The following DNAH9 variants were observed in gnomAD, a reference collection of about 807,000 sequenced individuals.
The protein encoded by DNAH9 is dynein axonemal heavy chain 9, also known as DNAH9 variant protein.
In DNAH9, 345 loss-of-function variants were observed where a neutral mutation model predicts 471.6. That is an observed-to-expected ratio of 0.73 (90% CI 0.67 to 0.80). The LOEUF (loss-of-function observed/expected upper bound fraction) is 0.80, where lower values mean the gene tolerates loss of function less well. DNAH9 is among the 30% of genes least tolerant of loss of function. DNAH9 has a pLI of 0.00. For missense variants in DNAH9, 5,407 were observed against 5,609.2 expected (o/e 0.96, Z 1.15); for synonymous variants, 2,093 against 2,123.6 (o/e 0.99, Z 0.40).
At chr17:11,905,293 G>GTAGA (rs1294879626) in intron 60 of DNAH9, among the ~76,000 whole-genome samples, 2 of 152,080 alleles carry the variant, frequency 1.3e-5, no homozygotes, top group Non-Finnish European at 2.9e-5. Context: ...GGCAAGGCTG[G>GTAGA]TAGATAGCAG....
chr17:11,735,154 G>A (rs568763666), intron 28 of DNAH9, among the ~76,000 whole-genome samples: 184 of 152,278 alleles, frequency 1.2e-3, no homozygotes, highest in African/African-American at 4.1e-3. Context: ...CTGGTAAAAT[G>A]TTAGGTCTAG....
intron 7 of DNAH9, among the ~76,000 whole-genome samples, chr17:11,631,429 A>G (rs1239895370): frequency 6.6e-6 from 1 of 152,134 alleles, no homozygotes; most frequent in Non-Finnish European, 1.5e-5. Context: ...GTAGACCCAA[A>G]AAAGGTGGAC....
At chr17:11,628,725 A>C (rs1165682618) in intron 6 of DNAH9, among the ~76,000 whole-genome samples, 1 of 152,220 alleles carries the variant, frequency 6.6e-6, no homozygotes, top group East Asian at 1.9e-4. Flanking sequence ...ACTGGATAAC[A>C]TGATCCATTT....
chr17:11,628,836 A>G (rs1295439341), intron 6 of DNAH9, among the ~76,000 whole-genome samples: 2 of 152,226 alleles, frequency 1.3e-5, no homozygotes, highest in Non-Finnish European at 2.9e-5. Context: ...ACAAAGACAT[A>G]GAGAGGTGGA....
chr17:11,708,877 C>T (rs2074780006), intron 26 of DNAH9, among the ~76,000 whole-genome samples: 1 of 152,112 alleles, frequency 6.6e-6, no homozygotes, highest in African/African-American at 2.4e-5. Context: ...TTCTCTACTC[C>T]CAGGACCTAG....
chr17:11,872,649 G>T (rs1466634675), intron 52 of DNAH9, among the ~76,000 whole-genome samples: 1 of 152,142 alleles, frequency 6.6e-6, no homozygotes, highest in Non-Finnish European at 1.5e-5. Flanking sequence ...GGCCGGGCGC[G>T]GTGGCTCACG....
chr17:11,902,452 C>G (rs535686100), intron 59 of DNAH9, among the ~76,000 whole-genome samples: 1 of 152,294 alleles, frequency 6.6e-6, no homozygotes, highest in Non-Finnish European at 1.5e-5. Flanking sequence ...TACACACCTA[C>G]AGGCAGGTGT....
intron 23 of DNAH9, 82 bp from the exon 24 acceptor site, chr17:11,701,040 C>T (rs753684818): frequency 1.1e-5 from 16 of 1,504,062 alleles, no homozygotes; most frequent in Non-Finnish European, 1.5e-5. Context: ...TCCTTCACTC[C>T]CTCAGACTGA....
At chr17:11,920,903 G>A (rs1282870656) in intron 61 of DNAH9, among the ~76,000 whole-genome samples, 3 of 152,198 alleles carry the variant, frequency 2.0e-5, no homozygotes, top group Non-Finnish European at 4.4e-5. Context: ...CACTTTGGGA[G>A]GCCGAGGTGG....
chr17:11,833,887 C>A (rs1970750856), intron 48 of DNAH9, among the ~76,000 whole-genome samples: 1 of 152,192 alleles, frequency 6.6e-6, no homozygotes, highest in Non-Finnish European at 1.5e-5. Flanking sequence ...ATCTTTGGCA[C>A]ACTCCACACT....
chr17:11,702,962 G>A (rs950260027), intron 24 of DNAH9, among the ~76,000 whole-genome samples: 9 of 151,966 alleles, frequency 5.9e-5, no homozygotes, highest in African/African-American at 2.2e-4. Context: ...GCGTGGTGGT[G>A]GGCACCTGTA....
At chr17:11,677,165 C>T (rs1366044834) in intron 17 of DNAH9, among the ~76,000 whole-genome samples, 1 of 151,978 alleles carries the variant, frequency 6.6e-6, no homozygotes, top group Non-Finnish European at 1.5e-5. Context: ...GTTAATTATT[C>T]TATTCAAATC....
In DNAH9 at chr17:11,905,698, G is replaced by A; in HGVS notation, c.11638G>A (p.Val3880Met). Residue 3880 changes from valine (V) to methionine (M), a missense_variant, in exon 61 of 69, where the codon GTG (valine) becomes ATG (methionine). By Grantham distance (21) the Val-to-Met change is conservative. Coordinates refer to ENST00000262442, the MANE Select transcript of DNAH9 (RefSeq NM_001372.4). Reference sequence around the variant, plus strand: ...AGAGAAGTTAGGAAGCAAATACGTGGTGGGAAGAGCCCTAGATTTTGCAAC... The same window carrying A: ...AGAGAAGTTAGGAAGCAAATACGTGATGGGAAGAGCCCTAGATTTTGCAAC... ...VEEKLGSKYV[V>M]GRALDFATSF... 1.2e-6 allele frequency: 2 copies of A among 1,614,092 alleles called. No individual in the cohort carries two copies. The highest frequency in any genetic ancestry group is 1.7e-6 in the Non-Finnish European group (2 of 1,180,024).
At chr17:11,845,886 T>C (rs1158684825) in intron 49 of DNAH9, among the ~76,000 whole-genome samples, 1 of 146,700 alleles carries the variant, frequency 6.8e-6, no homozygotes, top group Non-Finnish European at 1.5e-5. Flanking sequence ...GAGTTCATTG[T>C]AGATTCTGGA....
At chr17:11,745,182 T>TGTACAAATATGTATCTAGGTA in intron 31 of DNAH9, 98 bp downstream of exon 31, 2 of 968,228 alleles carry the variant, frequency 2.1e-6, no homozygotes, top group Non-Finnish European at 3.1e-6. Context: ...TTGTTTTAGA[T>TGTACAAATATGTATCTAGGTA]GTACAAATAT....
chr17:11,647,456 A>G (rs936035756), intron 12 of DNAH9, among the ~76,000 whole-genome samples: 3 of 152,040 alleles, frequency 2.0e-5, no homozygotes, highest in Non-Finnish European at 4.4e-5. Flanking sequence ...TGTACCCTGG[A>G]TTTCTTTTTT....
At chr17:11,809,246 A>G (rs1481599890) in intron 44 of DNAH9, among the ~76,000 whole-genome samples, 1 of 152,038 alleles carries the variant, frequency 6.6e-6, no homozygotes, top group East Asian at 1.9e-4. Flanking sequence ...TTTTTTCAAC[A>G]TAAGTGTTTT....
Position 11,738,975 on chromosome 17 carries a change from C to G in DNAH9, c.5910C>G (p.Ile1970Met). 6.2e-7 allele frequency: 1 copy of G among 1,614,112 alleles called. No homozygotes were observed. Among genetic ancestry groups the G allele is most frequent in the Non-Finnish European group, 8.5e-7 (1 of 1,179,956 alleles). Reference sequence around the variant, plus strand: ...TGAATCCTTCTGTCGGTATCTTCATCACCATGAACCCAGGCTATGCTGGCC... The same window carrying G: ...TGAATCCTTCTGTCGGTATCTTCATGACCATGAACCCAGGCTATGCTGGCC... Reference protein sequence around the residue: ...ISLNPSVGIFITMNPGYAGRT... With the variant: ...ISLNPSVGIFMTMNPGYAGRT... The change falls in exon 29 of 69, where the codon ATC (isoleucine) becomes ATG (methionine). Residue 1970 changes from isoleucine (I) to methionine (M), a missense_variant. Transcript: ENST00000262442.
At chr17:11,708,903 A>T (rs2074780400) in intron 26 of DNAH9, among the ~76,000 whole-genome samples, 1 of 152,196 alleles carries the variant, frequency 6.6e-6, no homozygotes, top group Non-Finnish European at 1.5e-5. Flanking sequence ...TGTCTAGCAC[A>T]CAATGGGCAC....
Sources: gnomAD v4.1 joint callset for allele counts (sites outside exome capture counted in the v4.1 genomes callset) on GRCh38, gnomAD v4.1.1 for gene constraint, MANE v1.5 for transcripts, NCBI Gene and HGNC (gene_info 2026-07-23, HGNC 2026-07-21) for gene names.